NUBPL: variants seen among roughly 807,000 people sequenced by gnomAD.
NUBPL encodes the protein NUBP iron-sulfur cluster assembly factor, mitochondrial.
A neutral mutation model predicts 45.7 loss-of-function variants in NUBPL; 31 were observed. That is an observed-to-expected ratio of 0.68 (90% CI 0.51 to 0.92). NUBPL has a LOEUF of 0.92. Among genes scored for constraint, NUBPL ranks in the 40% least tolerant of loss-of-function variants. The pLI is 0.00. For missense variants in NUBPL, 401 were observed against 398.7 expected (o/e 1.01, Z -0.05); for synonymous variants, 144 against 140.9 (o/e 1.02, Z -0.15).
At chr14:31,685,081 T>G (rs1363699060) in intron 6 of NUBPL, among the ~76,000 whole-genome samples, 4 of 152,210 alleles carry the variant, frequency 2.6e-5, no homozygotes, top group Non-Finnish European at 5.9e-5. Context: ...CATCTAGGGA[T>G]TTTAAACAAT....
intron 6 of NUBPL, among the ~76,000 whole-genome samples, chr14:31,770,782 G>A (rs181523966): frequency 3.3e-4 from 51 of 152,282 alleles, no homozygotes; most frequent in African/African-American, 1.1e-3. Flanking sequence ...CAGTTTGGAG[G>A]TTAAAGGCAA....
chr14:31,654,550 A>G (rs967981867), intron 4 of NUBPL, among the ~76,000 whole-genome samples: 5 of 151,834 alleles, frequency 3.3e-5, no homozygotes, highest in Admixed American at 1.3e-4. Context: ...CTGGGACTGC[A>G]GGCACCCGCC....
chr14:31,721,496 A>AT (rs1009964100), intron 6 of NUBPL, among the ~76,000 whole-genome samples: 15 of 151,256 alleles, frequency 9.9e-5, no homozygotes, highest in African/African-American at 3.2e-4. Flanking sequence ...ATGTAGGGTA[A>AT]TTTTTTTTTC....
chr14:31,853,456 T>A (rs1239466334), intron 10 of NUBPL, among the ~76,000 whole-genome samples: 1 of 152,184 alleles, frequency 6.6e-6, no homozygotes, highest in African/African-American at 2.4e-5. Context: ...TCCTTCTTAC[T>A]CCACCTTCTC....
At chr14:31,604,649 GAT>G (rs2034534879) in intron 4 of NUBPL, among the ~76,000 whole-genome samples, 1 of 152,120 alleles carries the variant, frequency 6.6e-6, no homozygotes, top group African/African-American at 2.4e-5. Context: ...ATTTTAAAAT[GAT>G]ATGTTAGGGT....
At chr14:31,747,135 C>T (rs1234976428) in intron 6 of NUBPL, among the ~76,000 whole-genome samples, 3 of 126,292 alleles carry the variant, frequency 2.4e-5, no homozygotes, top group East Asian at 2.4e-4. Context: ...CAGTCCTGGG[C>T]TTTTCTTTTT....
rs527588088 is a variant in NUBPL, at chr14:31,645,988, T to C, written c.383-27367T>C. Among the ~76,000 whole-genome samples, 397 of 152,270 alleles carry C rather than the reference T, an allele frequency of 2.6e-3. 4 individuals are homozygous for C. The highest frequency in any genetic ancestry group is 3.5e-3 in the Non-Finnish European group (241 of 68,018). On this transcript the variant is annotated intron_variant, in intron 4 of 10. Transcript: ENST00000281081. ...AATCTTACCAGTGGGTTTTATACTT[T>C]TAAATGTTTTCTTTTGCACATTAGT...
At chr14:31,693,858 T>TTC (rs2037152152) in intron 6 of NUBPL, among the ~76,000 whole-genome samples, 2 of 65,936 alleles carry the variant, frequency 3.0e-5, no homozygotes, top group Admixed American at 1.5e-4. Flanking sequence ...TTTTCTTTTC[T>TTC]TTTTTTTTTT....
At chr14:31,764,727 A>G (rs983527390) in intron 6 of NUBPL, among the ~76,000 whole-genome samples, 8 of 152,180 alleles carry the variant, frequency 5.3e-5, no homozygotes, top group African/African-American at 7.2e-5. Flanking sequence ...TTTTAATGAG[A>G]TGCATAAAAT....
intron 4 of NUBPL, among the ~76,000 whole-genome samples, chr14:31,655,257 G>A (rs2036114456): frequency 6.6e-6 from 1 of 152,192 alleles, no homozygotes; most frequent in Non-Finnish European, 1.5e-5. Context: ...CTTATGAAGT[G>A]TATTTCTGTA....
At chr14:31,685,561 G>A (rs896094018) in intron 6 of NUBPL, among the ~76,000 whole-genome samples, 8 of 152,010 alleles carry the variant, frequency 5.3e-5, no homozygotes, top group Admixed American at 3.9e-4. Context: ...AAAGGATTCA[G>A]TGAAGAGGCA....
At chr14:31,666,243 A>T (rs1315864278) in intron 4 of NUBPL, among the ~76,000 whole-genome samples, 2 of 25,850 alleles carry the variant, frequency 7.7e-5, no homozygotes, top group African/African-American at 4.0e-4. Context: ...ATATATATAT[A>T]TATATATATA....
At chr14:31,754,480 G>T (rs942797916) in intron 6 of NUBPL, among the ~76,000 whole-genome samples, 5 of 151,704 alleles carry the variant, frequency 3.3e-5, no homozygotes, top group African/African-American at 9.7e-5. Flanking sequence ...AATCCTGTAG[G>T]AGAAACAACC....
At chr14:31,741,219 A>G (rs1014050729) in intron 6 of NUBPL, among the ~76,000 whole-genome samples, 8 of 152,146 alleles carry the variant, frequency 5.3e-5, no homozygotes, top group African/African-American at 1.9e-4. Flanking sequence ...TGCTTTAAAT[A>G]GGTTTTTAGT....
chr14:31,709,117 T>C (rs2037515818), intron 6 of NUBPL, among the ~76,000 whole-genome samples: 1 of 152,208 alleles, frequency 6.6e-6, no homozygotes, highest in African/African-American at 2.4e-5. Flanking sequence ...GGTTTAATAA[T>C]GTCTCCAAAT....
chr14:31,634,994 C>T (rs1318430016), intron 4 of NUBPL, among the ~76,000 whole-genome samples: 8 of 150,360 alleles, frequency 5.3e-5, no homozygotes, highest in Non-Finnish European at 8.8e-5. Context: ...TATTAGCCCT[C>T]TGTCAGATGA....
At chr14:31,753,002 A>G (rs190844184) in intron 6 of NUBPL, among the ~76,000 whole-genome samples, 2 of 152,312 alleles carry the variant, frequency 1.3e-5, no homozygotes, top group Non-Finnish European at 2.9e-5. Context: ...TGAGAACAGC[A>G]TGAGGGAACT....
intron 6 of NUBPL, among the ~76,000 whole-genome samples, chr14:31,687,508 G>A (rs1054735753): frequency 8.5e-5 from 13 of 152,156 alleles, no homozygotes; most frequent in South Asian, 2.1e-4. Context: ...GTAGTACTAC[G>A]TTATAACTGC....
At chr14:31,561,903 A>G (rs2033292748) in intron 1 of NUBPL, among the ~76,000 whole-genome samples, 165 bp from the exon 2 acceptor site, 1 of 152,222 alleles carries the variant, frequency 6.6e-6, no homozygotes. Context: ...ATGTGTCTTT[A>G]CAATTGTTAT....
Sources: allele counts gnomAD v4.1 joint callset (sites outside exome capture counted in the v4.1 genomes callset), GRCh38; gene constraint gnomAD v4.1.1; transcripts MANE v1.5; gene names NCBI Gene and HGNC (gene_info 2026-07-23, HGNC 2026-07-21).